Variants in ST6GALNAC3 observed in about 807,000 individuals in gnomAD.
The protein encoded by ST6GALNAC3 is alpha-N-acetylgalactosaminide alpha-2,6-sialyltransferase 3.
Under a neutral mutation model 32.7 loss-of-function variants are expected in ST6GALNAC3, and 25 were observed. The ratio of observed to expected loss-of-function variants is 0.76; its 90% confidence interval spans 0.56 to 1.07. The LOEUF (loss-of-function observed/expected upper bound fraction) is 1.07. Among genes scored for constraint, ST6GALNAC3 ranks in the 50% least tolerant of loss-of-function variants. The pLI is 0.00. For synonymous variants in ST6GALNAC3, 129 were observed against 133.1 expected (o/e 0.97, Z 0.21); for missense variants, 355 against 382.4 (o/e 0.93, Z 0.60).
At chr1:76,173,095 G>C (rs539116591) in intron 1 of ST6GALNAC3, among the ~76,000 whole-genome samples, 1 of 152,222 alleles carries the variant, frequency 6.6e-6, no homozygotes, top group South Asian at 2.1e-4. Flanking sequence ...ATACTACAAG[G>C]CTACAGTAAC....
intron 3 of ST6GALNAC3, among the ~76,000 whole-genome samples, chr1:76,574,192 A>G (rs1484297534): frequency 6.6e-6 from 1 of 152,108 alleles, no homozygotes; most frequent in Non-Finnish European, 1.5e-5. Context: ...TATATGGCAC[A>G]GTTTTGAGTG....
chr1:76,481,498 A>T (rs11162163), intron 3 of ST6GALNAC3, among the ~76,000 whole-genome samples: 27,119 of 151,912 alleles, frequency 0.18, 2,970 homozygotes, highest in African/African-American at 0.31. Flanking sequence ...AGACTTCTAT[A>T]TTTTGCTTCA....
intron 2 of ST6GALNAC3, among the ~76,000 whole-genome samples, chr1:76,396,947 G>T (rs930780756): frequency 6.6e-6 from 1 of 152,114 alleles, no homozygotes; most frequent in East Asian, 1.9e-4. Context: ...TAATTACTAT[G>T]CTTTACACAG....
intron 1 of ST6GALNAC3, among the ~76,000 whole-genome samples, chr1:76,134,090 AGAC>A (rs1353718259): frequency 1.1e-4 from 17 of 152,342 alleles, no homozygotes; most frequent in African/African-American, 3.8e-4. Context: ...ATAAGGAAGA[AGAC>A]TCTGAGGCCA....
intron 2 of ST6GALNAC3, among the ~76,000 whole-genome samples, chr1:76,327,459 C>T (rs1253704628): frequency 2.0e-5 from 3 of 152,164 alleles, no homozygotes; most frequent in African/African-American, 7.2e-5. Flanking sequence ...TTCCTCTTTG[C>T]TCAGGGACAC....
rs138986165 is a variant in ST6GALNAC3 at position 76,389,011 on chromosome 1, C to CTTTTTTTTTTTTTTTTTTTT, written c.214-22997_214-22996insTTTTTTTTTTTTTTTTTTTT. Among the ~76,000 whole-genome samples the CTTTTTTTTTTTTTTTTTTTT allele has an allele frequency of 1.0e-4, 11 of 107,910 alleles. 4 individuals carry two copies. The highest frequency in any genetic ancestry group is 1.1e-4 in the Non-Finnish European group (6 of 56,182). The allele number at this position is 107,910 out of a possible 152,430, so 70.8% of individuals were successfully genotyped here. On this transcript the variant is annotated intron_variant, in intron 2 of 4. Coordinates refer to ENST00000328299, the MANE Select transcript of ST6GALNAC3 (RefSeq NM_152996.4). ...GGTGTGGTTGTTAGTTGGTATATTT[C>CTTTTTTTTTTTTTTTTTTTT]CTTTTTTTTTTTTTTTTGAGACAGA... is the stretch of plus-strand genomic sequence containing the variant.
At chr1:76,112,857 G>A (rs1164592172) in intron 1 of ST6GALNAC3, among the ~76,000 whole-genome samples, 1 of 151,908 alleles carries the variant, frequency 6.6e-6, no homozygotes, top group Non-Finnish European at 1.5e-5. Context: ...TTCCAGACTG[G>A]GCAGCCAGGC....
chr1:76,491,931 C>A (rs1456674677), intron 3 of ST6GALNAC3, among the ~76,000 whole-genome samples: 2 of 152,182 alleles, frequency 1.3e-5, no homozygotes, highest in Non-Finnish European at 2.9e-5. Context: ...TGGCCTGTTG[C>A]ATAGATCATT....
At chr1:76,152,607 A>G (rs1651115746) in intron 1 of ST6GALNAC3, among the ~76,000 whole-genome samples, 1 of 152,242 alleles carries the variant, frequency 6.6e-6, no homozygotes, top group South Asian at 2.1e-4. Flanking sequence ...TGCCAAGGAC[A>G]AAACACACTG....
rs115136639 is a variant in ST6GALNAC3 at position 76,086,596 on chromosome 1, A to G, written c.18+11712A>G. ...TCTCCAGCCTTCATGCCCCTTCCCA[A>G]TACAGGTGTTGCAGGGATCGTTAGC... On this transcript the variant is annotated intron_variant, in intron 1 of 4. Coordinates refer to ENST00000328299, the MANE Select transcript of ST6GALNAC3 (RefSeq NM_152996.4). 7.4e-3 allele frequency among the ~76,000 whole-genome samples: 1,125 copies of G among 152,218 alleles called. 11 individuals are homozygous for G. The highest frequency in any genetic ancestry group is 0.026 in the African/African-American group (1,070 of 41,526).
intron 3 of ST6GALNAC3, among the ~76,000 whole-genome samples, chr1:76,548,668 G>T (rs966391435): frequency 2.0e-5 from 3 of 152,150 alleles, no homozygotes; most frequent in Non-Finnish European, 4.4e-5. Flanking sequence ...GAAATATCAT[G>T]ATTAGCTTTC....
chr1:76,458,808 G>A (rs1015824420), intron 3 of ST6GALNAC3, among the ~76,000 whole-genome samples: 8 of 150,870 alleles, frequency 5.3e-5, no homozygotes, highest in Non-Finnish European at 7.4e-5. Flanking sequence ...TGAGTGCAGC[G>A]CACCAACACG....
At chr1:76,254,730 T>C (rs948038315) in intron 1 of ST6GALNAC3, among the ~76,000 whole-genome samples, 7 of 152,060 alleles carry the variant, frequency 4.6e-5, no homozygotes, top group African/African-American at 1.7e-4. Flanking sequence ...TCCCCTATAA[T>C]GTGTCAGAAA....
chr1:76,473,072 A>G (rs1216010636), intron 3 of ST6GALNAC3, among the ~76,000 whole-genome samples: 4 of 152,078 alleles, frequency 2.6e-5, no homozygotes, highest in Non-Finnish European at 5.9e-5. Flanking sequence ...TGGAGGTAAT[A>G]AGGAGGAAAG....
intron 2 of ST6GALNAC3, among the ~76,000 whole-genome samples, chr1:76,379,935 G>A (rs1335933601): frequency 6.6e-6 from 1 of 152,202 alleles, no homozygotes; most frequent in Non-Finnish European, 1.5e-5. Context: ...GAGGAAGGGG[G>A]AGGATATGGA....
intron 1 of ST6GALNAC3, among the ~76,000 whole-genome samples, chr1:76,300,437 C>T (rs1660661939): frequency 6.6e-6 from 1 of 151,870 alleles, no homozygotes; most frequent in African/African-American, 2.4e-5. Flanking sequence ...TCATTAAACT[C>T]AGGAGCCAGC....
At chr1:76,221,910 G>A (rs1655794582) in intron 1 of ST6GALNAC3, among the ~76,000 whole-genome samples, 1 of 152,152 alleles carries the variant, frequency 6.6e-6, no homozygotes, top group East Asian at 1.9e-4. Context: ...TTATTATCCA[G>A]GTCTTGGCGT....
chr1:76,160,146 A>G (rs1301819220), intron 1 of ST6GALNAC3, among the ~76,000 whole-genome samples: 2 of 152,158 alleles, frequency 1.3e-5, no homozygotes, highest in Admixed American at 6.5e-5. Context: ...AGAGGAAGGA[A>G]TGTGAGTGGA....
intron 3 of ST6GALNAC3, among the ~76,000 whole-genome samples, chr1:76,606,174 T>C (rs1169846487): frequency 6.6e-6 from 1 of 152,100 alleles, no homozygotes; most frequent in Non-Finnish European, 1.5e-5. Context: ...CTCAAAGACC[T>C]AGAACCAGAA....
Sources: allele counts gnomAD v4.1 joint callset (sites outside exome capture counted in the v4.1 genomes callset), GRCh38; gene constraint gnomAD v4.1.1; transcripts MANE v1.5; gene names NCBI Gene and HGNC (gene_info 2026-07-23, HGNC 2026-07-21).